Variants in IL1RAPL1 observed in about 807,000 individuals in gnomAD.
IL1RAPL1 encodes the protein interleukin-1 receptor accessory protein-like 1.
A neutral mutation model predicts 48.4 loss-of-function variants in IL1RAPL1; 3 were observed. The observed-to-expected ratio is 0.06, with a 90% CI of 0.03 to 0.16. The LOEUF is 0.16. IL1RAPL1 is among the 10% of genes least tolerant of loss of function. The pLI, the probability that IL1RAPL1 is intolerant of heterozygous loss-of-function variation, is 1.00. For missense variants in IL1RAPL1, 349 were observed against 530.6 expected, an observed-to-expected ratio of 0.66 and a Z score of 3.36; for synonymous variants, 185 against 187.7, an observed-to-expected ratio of 0.99 and a Z score of 0.12.
chrX:28,613,583 G>T (rs1934178389), intron 1 of IL1RAPL1, among the ~76,000 whole-genome samples: 1 of 112,373 alleles, frequency 8.9e-6, no homozygotes, highest in Non-Finnish European at 1.9e-5. Flanking sequence ...TTTCCTTTTG[G>T]ACAGAAGCTC....
At chrX:29,857,163 C>G (rs775944868) in intron 6 of IL1RAPL1, among the ~76,000 whole-genome samples, 4 of 111,061 alleles carry the variant, frequency 3.6e-5, no homozygotes, top group Non-Finnish European at 7.6e-5. Flanking sequence ...AAAATAAGTA[C>G]GTCTAAATTT....
intron 5 of IL1RAPL1, among the ~76,000 whole-genome samples, chrX:29,575,510 A>G (rs1184294005): frequency 8.9e-6 from 1 of 111,987 alleles, no homozygotes; most frequent in Admixed American, 9.4e-5. Flanking sequence ...AAGCCAGCTT[A>G]TCCCACCTTC....
intron 6 of IL1RAPL1, among the ~76,000 whole-genome samples, chrX:29,720,027 A>G (rs1388355797): frequency 1.8e-5 from 2 of 112,228 alleles, no homozygotes; most frequent in African/African-American, 3.2e-5. Context: ...ACTGGTCATT[A>G]GAGAAATGCA....
chrX:28,790,950 T>G (rs1412675628), intron 2 of IL1RAPL1, among the ~76,000 whole-genome samples: 1 of 111,872 alleles, frequency 8.9e-6, no homozygotes, highest in Non-Finnish European at 1.9e-5. Flanking sequence ...TCACTTAAGA[T>G]AGGTTTTTGA....
chrX:28,791,171 T>C (rs182615249), intron 2 of IL1RAPL1, among the ~76,000 whole-genome samples: 164 of 111,352 alleles, frequency 1.5e-3, no homozygotes, highest in African/African-American at 5.0e-3. Flanking sequence ...GTTACTCCTT[T>C]TTAATCATAA....
chrX:28,696,098 C>T (rs938842450), intron 1 of IL1RAPL1, among the ~76,000 whole-genome samples: 1 of 111,392 alleles, frequency 9.0e-6, no homozygotes, highest in African/African-American at 3.3e-5. Flanking sequence ...GCTTATTTAT[C>T]GCTATGTAAT....
chrX:29,638,238 A>G (rs1041901626), intron 5 of IL1RAPL1, among the ~76,000 whole-genome samples: 1 of 107,739 alleles, frequency 9.3e-6, no homozygotes, highest in African/African-American at 3.4e-5. Flanking sequence ...CACTCTAGTA[A>G]TGTTAACATC....
intron 2 of IL1RAPL1, among the ~76,000 whole-genome samples, chrX:28,953,356 A>T (rs1569206871): frequency 9.0e-6 from 1 of 111,569 alleles, no homozygotes; most frequent in Non-Finnish European, 1.9e-5. Context: ...TATGGCATGC[A>T]ATTAAGCTAA....
chrX:29,562,058 A>G (rs1329090423), intron 5 of IL1RAPL1, among the ~76,000 whole-genome samples: 1 of 104,498 alleles, frequency 9.6e-6, no homozygotes, highest in Non-Finnish European at 1.9e-5. Context: ...CTATCTATCT[A>G]TCTATCTATC....
intron 2 of IL1RAPL1, chrX:28,942,524 A>G (rs1216562041): frequency 9.2e-6 from 1 of 108,156 alleles, no homozygotes; most frequent in Non-Finnish European, 1.9e-5. Flanking sequence ...CAGTCTTTTG[A>G]CTTATTTCAC....
At chrX:29,356,117 T>C (rs1933298203) in intron 3 of IL1RAPL1, among the ~76,000 whole-genome samples, 1 of 111,646 alleles carries the variant, frequency 9.0e-6, no homozygotes, top group Non-Finnish European at 1.9e-5. Flanking sequence ...GTTTATTTTA[T>C]GTATATATGT....
At chrX:29,255,177 ATTTG>A (rs919018061) in intron 2 of IL1RAPL1, among the ~76,000 whole-genome samples, 3 of 107,019 alleles carry the variant, frequency 2.8e-5, no homozygotes, top group Admixed American at 1.0e-4. Context: ...AATTCATTAT[ATTTG>A]TTCTTCTAAA....
intron 1 of IL1RAPL1, among the ~76,000 whole-genome samples, chrX:28,774,935 G>A (rs868452457): frequency 3.6e-5 from 4 of 111,386 alleles, no homozygotes; most frequent in Middle Eastern, 9.3e-3. Context: ...AACCATACCC[G>A]ATGTATTAGT....
rs747944273 is a variant in IL1RAPL1, at chrX:29,606,141, GA to G, written c.704-62283del. ...CAATTTATCTTCTTTGGATGTTTAA[GA>G]AAAAATATTACAAAGAAGTTTTGAA... On this transcript the variant is annotated intron_variant, in intron 5 of 10. Coordinates refer to ENST00000378993, the MANE Select transcript of IL1RAPL1 (RefSeq NM_014271.4). Among the ~76,000 whole-genome samples the G allele has an allele frequency of 4.8e-3, 532 of 111,679 alleles. 2 individuals are homozygous for G. Among genetic ancestry groups the G allele is most frequent in the Non-Finnish European group, 7.4e-3 (395 of 53,040 alleles).
intron 3 of IL1RAPL1, among the ~76,000 whole-genome samples, chrX:29,329,674 G>A (rs979992062): frequency 9.1e-6 from 1 of 109,899 alleles, no homozygotes; most frequent in African/African-American, 3.3e-5. Flanking sequence ...TTAGCCGGTC[G>A]TGGTGGCACA....
intron 2 of IL1RAPL1, among the ~76,000 whole-genome samples, chrX:29,273,874 G>T (rs1932079875): frequency 9.0e-6 from 1 of 111,477 alleles, no homozygotes; most frequent in East Asian, 2.8e-4. Flanking sequence ...GCCCATCAAG[G>T]CAATCTTCTA....
At position 29,603,724 on chromosome X, in the gene IL1RAPL1, A is replaced by G. The variant is rs750551680; in HGVS notation, c.704-64706A>G. On this transcript the variant is annotated intron_variant, in intron 5 of 10. Transcript: ENST00000378993. The stretch of plus-strand genomic sequence containing the variant: ...ATGACACTGATCCTGTTTGGTGACC[A>G]CATCACATAATAATGGAAATGTTTC... Among the ~76,000 whole-genome samples, 5 of 112,281 alleles carry G rather than the reference A, an allele frequency of 4.5e-5. No individual in the cohort carries two copies. The East Asian group carries it at 1.4e-3, about 31-fold the overall frequency.
At chrX:28,797,861 A>T (rs1217827512) in intron 2 of IL1RAPL1, among the ~76,000 whole-genome samples, 2 of 111,954 alleles carry the variant, frequency 1.8e-5, no homozygotes, top group Non-Finnish European at 3.8e-5. Context: ...TGATAAGGAC[A>T]TACCTGAGAC....
At chrX:28,897,395 G>A (rs1339361336) in intron 2 of IL1RAPL1, among the ~76,000 whole-genome samples, 1 of 112,001 alleles carries the variant, frequency 8.9e-6, no homozygotes, top group Admixed American at 9.4e-5. Flanking sequence ...CAGCACGGGA[G>A]TTTTGGGTCC....
Sources: allele counts gnomAD v4.1 joint callset (sites outside exome capture counted in the v4.1 genomes callset), GRCh38; gene constraint gnomAD v4.1.1; transcripts MANE v1.5; gene names NCBI Gene and HGNC (gene_info 2026-07-23, HGNC 2026-07-21).